The following PIEZO2 variants were observed in gnomAD, a reference collection of about 807,000 sequenced individuals.
PIEZO2 encodes the protein piezo-type mechanosensitive ion channel component 2.
Under a neutral mutation model 337.3 loss-of-function variants are expected in PIEZO2, and 172 were observed. That is an observed-to-expected ratio of 0.51 (90% CI 0.45 to 0.58). PIEZO2 has a LOEUF of 0.58. Among genes scored for constraint, PIEZO2 ranks in the 20% least tolerant of loss-of-function variants. The probability of loss-of-function intolerance (pLI) is 0.00; values close to 1 mark genes in which losing one functional copy is unlikely to be tolerated. For synonymous variants in PIEZO2, 1,251 were observed against 1,228.5 expected, an observed-to-expected ratio of 1.02 and a Z score of -0.38; for missense variants, 3,028 against 3,391.3, an observed-to-expected ratio of 0.89 and a Z score of 2.66.
chr18:10,807,007 T>G (rs1381298747), intron 8 of PIEZO2, 105 bp downstream of exon 8: 1 of 1,165,010 alleles, frequency 8.6e-7, no homozygotes, highest in Non-Finnish European at 1.2e-6. Flanking sequence ...AGAGTTGTGT[T>G]GGAATAGAGT....
intron 21 of PIEZO2, among the ~76,000 whole-genome samples, chr18:10,764,678 C>G (rs2038280635): frequency 6.6e-6 from 1 of 152,104 alleles, no homozygotes; most frequent in South Asian, 2.1e-4. Context: ...TTACCTGTTA[C>G]TCTTCTGCTC....
chr18:10,865,097 C>G (rs976286443), intron 5 of PIEZO2, among the ~76,000 whole-genome samples: 3 of 152,084 alleles, frequency 2.0e-5, no homozygotes, highest in African/African-American at 4.8e-5. Context: ...CTTACCCTAG[C>G]CAAACACAGA....
At position 10,676,205 on chromosome 18, in the gene PIEZO2, A is replaced by C. The variant is rs2033993553; in HGVS notation, c.8082-917T>G. 6.6e-6 allele frequency among the ~76,000 whole-genome samples: 1 copy of C among 152,126 alleles called. No individual in the cohort carries two copies. The highest frequency in any genetic ancestry group is 1.5e-5 in the Non-Finnish European group (1 of 68,010). ...CTTATCATCTGGGAGGTGATAGGAG[A>C]GGATCTGACAGTCTCCAAGGGCCCT... On this transcript the variant is annotated intron_variant, in intron 53 of 55. Coordinates refer to ENST00000674853, the MANE Select transcript of PIEZO2 (RefSeq NM_001378183.1). The surrounding 1 kb of genome is among the most constrained non-coding windows in gnomAD (Gnocchi z 5.1).
chr18:10,912,685 C>T lies in PIEZO2; in HGVS notation c.287-1457G>A, dbSNP rs530925548. ...CACTAAGTGTCTCCTAGACATTAGG[C>T]TTCCTCAAGAGGAGTAGGAGGCCCC... is the stretch of plus-strand genomic sequence containing the variant. On this transcript the variant is annotated intron_variant, in intron 3 of 55. Transcript: ENST00000674853. Among the ~76,000 whole-genome samples the T allele has an allele frequency of 6.5e-4, 99 of 152,314 alleles. 3 individuals carry two copies. Among genetic ancestry groups the T allele is most frequent in the African/African-American group, 2.2e-3 (91 of 41,578 alleles).
chr18:11,054,851 G>A (rs1319046005), intron 2 of PIEZO2, among the ~76,000 whole-genome samples: 2 of 152,176 alleles, frequency 1.3e-5, no homozygotes, highest in African/African-American at 2.4e-5. Context: ...TGGGGGACTT[G>A]CTAGACTGAT....
intron 30 of PIEZO2, among the ~76,000 whole-genome samples, chr18:10,744,810 A>G (rs2037359148): frequency 6.6e-6 from 1 of 151,884 alleles, no homozygotes; most frequent in African/African-American, 2.4e-5. Context: ...AATCTCCTCA[A>G]CCTTCTTCAC....
chr18:11,024,769 G>A (rs931281751), intron 2 of PIEZO2, among the ~76,000 whole-genome samples: 3 of 151,594 alleles, frequency 2.0e-5, no homozygotes, highest in Non-Finnish European at 2.9e-5. Flanking sequence ...CTCCTGAGTA[G>A]CTGGGATTAT....
intron 1 of PIEZO2, among the ~76,000 whole-genome samples, chr18:11,089,810 A>C (rs1005571338): frequency 8.5e-5 from 13 of 152,130 alleles, no homozygotes; most frequent in Admixed American, 2.0e-4. Context: ...GTCAAATACA[A>C]ACCTCTTCCA....
Position 10,834,797 on chromosome 18 carries a change from T to C in PIEZO2, c.917+20556A>G, listed in dbSNP as rs2040955237. Among the ~76,000 whole-genome samples the C allele has an allele frequency of 2.6e-5, 4 of 152,168 alleles. No individual in the cohort carries two copies. Among genetic ancestry groups the C allele is most frequent in the Admixed American group, 2.6e-4 (4 of 15,272 alleles). On this transcript the variant is annotated intron_variant, in intron 7 of 55. Coordinates refer to ENST00000674853, the MANE Select transcript of PIEZO2 (RefSeq NM_001378183.1). This position sits in a 1 kb window ranked among gnomAD's most constrained non-coding sequence, Gnocchi z 4.5. ...GCCTCAGAAAGGCTCTTCCTTTAAGTTTCTTCCCCGCTAGCTTTCACAAGA... is the reference window on the plus strand; with the variant it reads ...GCCTCAGAAAGGCTCTTCCTTTAAGCTTCTTCCCCGCTAGCTTTCACAAGA...
intron 5 of PIEZO2, among the ~76,000 whole-genome samples, chr18:10,865,224 T>C (rs1432604992): frequency 6.6e-6 from 1 of 152,200 alleles, no homozygotes; most frequent in Non-Finnish European, 1.5e-5. Context: ...GTCAAGAGAC[T>C]GAATTTTATT....
At chr18:11,142,653 C>T (rs543014020) in intron 1 of PIEZO2, among the ~76,000 whole-genome samples, 6 of 151,854 alleles carry the variant, frequency 4.0e-5, no homozygotes, top group African/African-American at 1.2e-4. Context: ...GGGTGGTGCA[C>T]GCCTGTAATC....
intron 31 of PIEZO2, among the ~76,000 whole-genome samples, chr18:10,743,361 C>G (rs1005192546): frequency 8.5e-5 from 13 of 152,132 alleles, no homozygotes; most frequent in African/African-American, 2.9e-4. Flanking sequence ...GGGAAAGTAT[C>G]TAGGCTTATA....
rs2036117367 is a variant in PIEZO2, at chr18:11,016,383, G to T, written c.161-36723C>A. On this transcript the variant is annotated intron_variant, in intron 2 of 55. Transcript: ENST00000674853. This position sits in a 1 kb window ranked among gnomAD's most constrained non-coding sequence, Gnocchi z 5.6. Reference sequence around the variant, plus strand: ...ACAAGGCAACATCCAGAGGCAGAAAGGAGGCTGGAGGGCACTGACAACACA... The same window carrying T: ...ACAAGGCAACATCCAGAGGCAGAAATGAGGCTGGAGGGCACTGACAACACA... Among the ~76,000 whole-genome samples, 1 of 152,198 alleles carries T rather than the reference G, an allele frequency of 6.6e-6. No homozygotes were observed. Among genetic ancestry groups the T allele is most frequent in the African/African-American group, 2.4e-5 (1 of 41,452 alleles).
rs777682449 is a variant in PIEZO2, at chr18:11,009,628, A to G, written c.161-29968T>C. Among the ~76,000 whole-genome samples the G allele has an allele frequency of 1.3e-5, 2 of 152,224 alleles. No individual in the cohort carries two copies. Among genetic ancestry groups the G allele is most frequent in the Non-Finnish European group, 2.9e-5 (2 of 68,034 alleles). Reference sequence around the variant, plus strand: ...AAGTAATAATATATGTGGGCACTATAAAGATAAATGTCTTGTTATGGGTTA... The same window carrying G: ...AAGTAATAATATATGTGGGCACTATGAAGATAAATGTCTTGTTATGGGTTA... On this transcript the variant is annotated intron_variant, in intron 2 of 55. Coordinates refer to ENST00000674853, the MANE Select transcript of PIEZO2 (RefSeq NM_001378183.1). This position sits in a 1 kb window ranked among gnomAD's most constrained non-coding sequence, Gnocchi z 4.6.
intron 21 of PIEZO2, among the ~76,000 whole-genome samples, chr18:10,765,277 C>T (rs72976269): frequency 0.22 from 33,173 of 152,126 alleles, 3,810 homozygotes; most frequent in Non-Finnish European, 0.26. Context: ...CATGGGCTGC[C>T]CATCCTTGGA....
At chr18:10,826,820 T>C (rs538557310) in intron 7 of PIEZO2, among the ~76,000 whole-genome samples, 7 of 152,346 alleles carry the variant, frequency 4.6e-5, no homozygotes, top group African/African-American at 1.7e-4. Context: ...CAGAATAATG[T>C]CACCACCCTA....
intron 39 of PIEZO2, among the ~76,000 whole-genome samples, chr18:10,711,617 A>G (rs1012523857): frequency 6.6e-6 from 1 of 151,904 alleles, no homozygotes; most frequent in Admixed American, 6.6e-5. Flanking sequence ...TCAGGTAACA[A>G]AAAAAAATCT....
intron 35 of PIEZO2, 104 bp from the exon 36 acceptor site, chr18:10,731,625 C>A: frequency 1.7e-6 from 1 of 601,848 alleles, no homozygotes; most frequent in Non-Finnish European, 2.6e-6. Context: ...CCTCCCAACA[C>A]AAACTAAACA....
intron 8 of PIEZO2, among the ~76,000 whole-genome samples, chr18:10,805,578 T>C (rs1288602003): frequency 6.6e-6 from 1 of 152,246 alleles, no homozygotes; most frequent in Admixed American, 6.5e-5. Context: ...AATATATACA[T>C]ATACATATGC....
Sources: gnomAD v4.1 joint callset for allele counts (sites outside exome capture counted in the v4.1 genomes callset) on GRCh38, gnomAD v4.1.1 for gene constraint, Gnocchi (gnomAD v3.1) non-coding constraint, MANE v1.5 for transcripts, NCBI Gene and HGNC (gene_info 2026-07-23, HGNC 2026-07-21) for gene names.